FUBP3: variants seen among roughly 807,000 people sequenced by gnomAD.
The protein encoded by FUBP3 is far upstream element-binding protein 3.
FUBP3 carries 28 observed loss-of-function variants against 85.6 expected under a neutral mutation model. The observed-to-expected ratio is 0.33, with a 90% CI of 0.24 to 0.45. The LOEUF (loss-of-function observed/expected upper bound fraction) is 0.45. Ranked by LOEUF, FUBP3 falls within the 20% of genes least tolerant of loss-of-function variation. The probability of loss-of-function intolerance (pLI) is 1.00; values close to 1 mark genes in which losing one functional copy is unlikely to be tolerated. For missense variants in FUBP3, 583 were observed against 755.1 expected, an observed-to-expected ratio of 0.77 and a Z score of 2.67; for synonymous variants, 271 against 271.4, an observed-to-expected ratio of 1.00 and a Z score of 0.01.
intron 9 of FUBP3, 81 bp from the exon 10 acceptor site, chr9:130,622,627 T>C: frequency 1.7e-6 from 1 of 578,368 alleles, no homozygotes; most frequent in East Asian, 3.1e-5. Context: ...CGAGACTCAG[T>C]CTCAAAAAAA....
At chr9:130,596,470 A>C (rs1312360254) in intron 2 of FUBP3, among the ~76,000 whole-genome samples, 1 of 152,122 alleles carries the variant, frequency 6.6e-6, no homozygotes, top group Non-Finnish European at 1.5e-5. Context: ...ATAGAAAAAT[A>C]TAATTTGCCA....
Position 130,636,074 on chromosome 9 carries a change from A to G in FUBP3, c.1658A>G (p.Gln553Arg). 2 of 1,613,922 alleles carry G rather than the reference A, an allele frequency of 1.2e-6. No individual in the cohort carries two copies. The highest frequency in any genetic ancestry group is 1.7e-6 in the Non-Finnish European group (2 of 1,179,942). The change falls in exon 18 of 19, where the codon CAG becomes CGG. Residue 553 changes from glutamine to arginine, a missense_variant. Around this residue, in one of 3 missense-constraint regions of FUBP3, gnomAD observed 404 missense variants for 516.8 expected, o/e 0.78. Coordinates refer to ENST00000319725, the MANE Select transcript of FUBP3 (RefSeq NM_003934.2). ...YTMAWAEYYR[Q>R]QVAFYGQTLG... ...ATGGCCTGGGCAGAATATTACAGACAGCAGGTCGCTTTCTACGGACAGACG... is the reference window on the plus strand; with the variant it reads ...ATGGCCTGGGCAGAATATTACAGACGGCAGGTCGCTTTCTACGGACAGACG...
intron 1 of FUBP3, among the ~76,000 whole-genome samples, chr9:130,587,732 C>T (rs1488849085): frequency 6.6e-6 from 1 of 152,126 alleles, no homozygotes; most frequent in East Asian, 1.9e-4. Context: ...TTCTCTAAAA[C>T]TAAACCCTGG....
At chr9:130,596,721 A>G in intron 2 of FUBP3, 1 of 382,776 alleles carries the variant, frequency 2.6e-6, no homozygotes. Context: ...TCCTGAATAA[A>G]CCCTATGTTA....
At chr9:130,627,287 G>T (rs1260921097) in intron 12 of FUBP3, among the ~76,000 whole-genome samples, 1 of 152,246 alleles carries the variant, frequency 6.6e-6, no homozygotes, top group Non-Finnish European at 1.5e-5. Context: ...CTCGCTGCCA[G>T]CGGGGGACTC....
At chr9:130,589,716 T>C (rs1386833791) in intron 1 of FUBP3, among the ~76,000 whole-genome samples, 1 of 109,386 alleles carries the variant, frequency 9.1e-6, no homozygotes, top group African/African-American at 3.7e-5. Flanking sequence ...TTTTTTTTTT[T>C]TTTTTTTTTT....
intron 16 of FUBP3, among the ~76,000 whole-genome samples, chr9:130,633,432 TG>T (rs750026050): frequency 2.0e-5 from 3 of 152,142 alleles, no homozygotes; most frequent in Admixed American, 6.5e-5. Context: ...GGCAGCAAGG[TG>T]GCCAGGATTG....
In FUBP3 at chr9:130,579,639, T is replaced by TCGGCGGCGTCGGCGGCGG; in HGVS notation, c.-36_-19dup. The TCGGCGGCGTCGGCGGCGG allele has an allele frequency of 5.2e-6, 6 of 1,159,744 alleles. No individual in the cohort carries two copies. The highest frequency in any genetic ancestry group is 6.5e-6 in the Non-Finnish European group (6 of 921,378). The allele number at this position is 1,159,744 out of a possible 1,614,324, so 71.8% of individuals were successfully genotyped here. ...CGGACCGGGGAGCCGAGCGGCGGCG[T>TCGGCGGCGTCGGCGGCGG]CGGCGGCGTCGGCGGCGGCGGCGAC... On this transcript the variant is annotated 5_prime_UTR_variant, in exon 1 of 19. Transcript: ENST00000319725.
intron 1 of FUBP3, among the ~76,000 whole-genome samples, chr9:130,584,392 G>A (rs957579077): frequency 2.6e-5 from 4 of 151,910 alleles, no homozygotes; most frequent in Non-Finnish European, 4.4e-5. Flanking sequence ...GCTGGGTGTG[G>A]TGGCAGGTGC....
intron 1 of FUBP3, among the ~76,000 whole-genome samples, chr9:130,592,463 G>A (rs908061291): frequency 1.6e-4 from 24 of 152,268 alleles, no homozygotes; most frequent in African/African-American, 5.8e-4. Context: ...ATCTCCTAAG[G>A]CTGAGTCTGG....
chr9:130,610,755 T>A (rs979485784), intron 3 of FUBP3, among the ~76,000 whole-genome samples: 2 of 152,344 alleles, frequency 1.3e-5, no homozygotes, highest in East Asian at 1.9e-4. Context: ...TCTGTCATCT[T>A]GTATTCTGCC....
intron 2 of FUBP3, among the ~76,000 whole-genome samples, chr9:130,606,852 A>G (rs541023935): frequency 7.9e-4 from 120 of 152,216 alleles, no homozygotes; most frequent in Non-Finnish European, 1.4e-3. Flanking sequence ...TGTATTGCAA[A>G]GTTGCATGTA....
At position 130,592,004 on chromosome 9, in the gene FUBP3, G is replaced by T. The variant is rs569311667; in HGVS notation, c.85-3479G>T. Among the ~76,000 whole-genome samples the T allele has an allele frequency of 2.0e-5, 3 of 152,310 alleles. No homozygotes were observed. The South Asian group carries it at 6.2e-4, about 32-fold the overall frequency. Reference sequence around the variant, plus strand: ...CTCAGCACTTTGGGAGGCCGAAGCAGGTGGATCACCTGAGGTCAGGAGTTC... The same window carrying T: ...CTCAGCACTTTGGGAGGCCGAAGCATGTGGATCACCTGAGGTCAGGAGTTC... On this transcript the variant is annotated intron_variant, in intron 1 of 18. Transcript: ENST00000319725.
Position 130,595,527 on chromosome 9 carries a change from A to G in FUBP3, c.129A>G (p.Thr43=). Residue 43 remains threonine (T), a synonymous_variant, in exon 2 of 19, where the codon ACA becomes ACG. Transcript: ENST00000319725. The part of the protein sequence containing the change: ...IDSIPHLNNS[T]PLVDPSVYGY... Reference sequence around the variant, plus strand: ...CAATTCCTCACTTGAATAATTCCACACCTCTAGTGGACCCCTCAGTATATG... The same window carrying G: ...CAATTCCTCACTTGAATAATTCCACGCCTCTAGTGGACCCCTCAGTATATG... The G allele has an allele frequency of 6.3e-7, 1 of 1,594,176 alleles. No individual in the cohort carries two copies. Among genetic ancestry groups the G allele is most frequent in the Non-Finnish European group, 8.6e-7 (1 of 1,161,870 alleles).
chr9:130,579,704 G>C lies in FUBP3; in HGVS notation c.24G>C (p.Gln8His). ...TAATGGCGGAGCTGGTGCAGGGGCA[G>C]AGCGCTCCTGTGGGGATGAAGGCCG... Reference protein sequence around the residue: MAELVQGQSAPVGMKAEG... With the variant: MAELVQGHSAPVGMKAEG... The change falls in exon 1 of 19, where the codon CAG becomes CAC. Residue 8 changes from glutamine to histidine, a missense_variant. By Grantham distance (24) the Gln-to-His change is conservative. This residue lies in a region of FUBP3 where 177 missense variants were observed against 221.9 expected (regional missense o/e 0.80). Transcript: ENST00000319725. 1 of 1,268,496 alleles carries C rather than the reference G, an allele frequency of 7.9e-7. No homozygotes were observed. The allele number at this position is 1,268,496 out of a possible 1,614,324, so 78.6% of individuals were successfully genotyped here.
At chr9:130,611,805 T>TAA (rs56793322) in intron 3 of FUBP3, among the ~76,000 whole-genome samples, 22,733 of 144,698 alleles carry the variant, frequency 0.16, 2,469 homozygotes, top group African/African-American at 0.3. Context: ...AGTAGTAGTT[T>TAA]AAAAAAAAAA....
At chr9:130,605,115 C>T (rs745964511) in intron 2 of FUBP3, among the ~76,000 whole-genome samples, 2 of 152,062 alleles carry the variant, frequency 1.3e-5, no homozygotes, top group South Asian at 2.1e-4. Flanking sequence ...ATGACACTGG[C>T]GTAAATGAAA....
chr9:130,637,078 T>C lies in FUBP3; in HGVS notation c.*56T>C. 2 of 1,449,776 alleles carry C rather than the reference T, an allele frequency of 1.4e-6. No individual in the cohort carries two copies. The highest frequency in any genetic ancestry group is 1.9e-6 in the Non-Finnish European group (2 of 1,030,002). 89.8% of individuals were successfully genotyped at this position (1,449,776 alleles called of 1,614,324 possible). A position where few individuals can be genotyped will look rare whatever the true frequency, so the allele number is the denominator to read the frequency against. The stretch of plus-strand genomic sequence containing the variant: ...AAAATCATTGTCAAAGAAAACCTAT[T>C]TGTAACAGAGGTTTTTACATTTGCA... On this transcript the variant is annotated 3_prime_UTR_variant, in exon 19 of 19. Transcript: ENST00000319725.
intron 1 of FUBP3, among the ~76,000 whole-genome samples, chr9:130,593,373 A>C (rs1457505491): frequency 6.6e-6 from 1 of 152,198 alleles, no homozygotes; most frequent in Non-Finnish European, 1.5e-5. Flanking sequence ...AGCCCATCAC[A>C]CAGTAGGTAC....
Sources: gnomAD v4.1 joint callset for allele counts (sites outside exome capture counted in the v4.1 genomes callset) on GRCh38, gnomAD v4.1.1 for gene constraint, gnomAD v4.1.1 regional missense constraint, MANE v1.5 for transcripts, NCBI Gene and HGNC (gene_info 2026-07-23, HGNC 2026-07-21) for gene names.